PCDH11X: variants seen among roughly 807,000 people sequenced by gnomAD.
PCDH11X encodes the protein protocadherin-11 X-linked.
In PCDH11X, 18 loss-of-function variants were observed where a neutral mutation model predicts 53.3. The ratio of observed to expected loss-of-function variants is 0.34; its 90% CI spans 0.23 to 0.50. The LOEUF (loss-of-function observed/expected upper bound fraction) is 0.50. PCDH11X is among the 20% of genes least tolerant of loss of function. The pLI, the probability that PCDH11X is intolerant of heterozygous loss-of-function variation, is 0.98. For synonymous variants in PCDH11X, 279 were observed against 393.3 expected, an observed-to-expected ratio of 0.71 and a Z score of 3.44; for missense variants, 570 against 1,032.4, an observed-to-expected ratio of 0.55 and a Z score of 6.14.
At chrX:91,796,565 A>G (rs916687238) in intron 1 of PCDH11X, among the ~76,000 whole-genome samples, 1 of 111,245 alleles carries the variant, frequency 9.0e-6, no homozygotes, top group South Asian at 3.7e-4. Flanking sequence ...TGTCAATATC[A>G]TTTTCTTATC....
At chrX:92,347,210 C>T (rs2069922524) in intron 8 of PCDH11X, among the ~76,000 whole-genome samples, 2 of 111,343 alleles carry the variant, frequency 1.8e-5, no homozygotes, top group South Asian at 7.4e-4. Context: ...CATGTTACTA[C>T]TAGTTAGAAA....
At chrX:91,847,991 C>T (rs1225667281) in intron 5 of PCDH11X, among the ~76,000 whole-genome samples, 1 of 111,572 alleles carries the variant, frequency 9.0e-6, no homozygotes, top group East Asian at 2.8e-4. Context: ...TGCCAAGTTA[C>T]TAAACAAGTA....
chrX:91,809,803 G>A (rs1936239788), intron 2 of PCDH11X, among the ~76,000 whole-genome samples, 169 bp downstream of exon 2: 2 of 110,070 alleles, frequency 1.8e-5, no homozygotes, highest in African/African-American at 6.6e-5. Context: ...GGATAGTACT[G>A]CTCTAGAAAT....
intron 8 of PCDH11X, among the ~76,000 whole-genome samples, chrX:92,375,153 TATATATATATA>T (rs2070711924): frequency 8.6e-5 from 1 of 11,674 alleles, no homozygotes; most frequent in Non-Finnish European, 2.4e-4. Flanking sequence ...TATATATATA[TATATATATATA>T]TATTTTTTTT....
intron 4 of PCDH11X, among the ~76,000 whole-genome samples, chrX:91,825,671 T>C (rs1032755288): frequency 1.8e-5 from 2 of 108,935 alleles, no homozygotes; most frequent in Admixed American, 9.6e-5. Flanking sequence ...AGACCGGAGC[T>C]GTTCCTATTC....
chrX:92,093,670 G>A (rs761298853), intron 6 of PCDH11X, among the ~76,000 whole-genome samples: 106 of 110,855 alleles, frequency 9.6e-4, no homozygotes, highest in African/African-American at 3.2e-3. Flanking sequence ...CCCTTTTAAT[G>A]GTATTTTTTT....
At chrX:92,542,781 G>A (rs2074779381) in intron 10 of PCDH11X, among the ~76,000 whole-genome samples, 1 of 110,915 alleles carries the variant, frequency 9.0e-6, no homozygotes, top group Non-Finnish European at 1.9e-5. Context: ...AAAATCTAAA[G>A]CCTCTCTAGT....
chrX:92,509,861 T>C (rs1387104774), intron 10 of PCDH11X, among the ~76,000 whole-genome samples: 1 of 111,918 alleles, frequency 8.9e-6, no homozygotes, highest in Non-Finnish European at 1.9e-5. Flanking sequence ...AAACAACTTA[T>C]TCTTGAGATA....
At chrX:92,403,329 G>GTTTTTTTTTTTTTTTTTTTTTTTT (rs1178198433) in intron 9 of PCDH11X, among the ~76,000 whole-genome samples, 2 of 58,816 alleles carry the variant, frequency 3.4e-5, no homozygotes, top group African/African-American at 7.8e-5. Context: ...GGGCATTTAC[G>GTTTTTTTTTTTTTTTTTTTTTTTT]TTTTTTTTTG....
At chrX:92,618,190 AATG>A (rs1928195935) in intron 10 of PCDH11X, 71 bp from the exon 11 acceptor site, 1 of 1,144,164 alleles carries the variant, frequency 8.7e-7, no homozygotes, top group Non-Finnish European at 1.2e-6. Flanking sequence ...TTTTTGTCAC[AATG>A]ATATTTAAGT....
chrX:92,272,389 C>T (rs2067978994), intron 8 of PCDH11X, among the ~76,000 whole-genome samples: 2 of 111,870 alleles, frequency 1.8e-5, no homozygotes. Flanking sequence ...CTGCTTAACT[C>T]ACAGGGATCT....
chrX:92,299,301 C>T (rs1252080004), intron 8 of PCDH11X, among the ~76,000 whole-genome samples: 1 of 111,041 alleles, frequency 9.0e-6, no homozygotes, highest in African/African-American at 3.3e-5. Context: ...AAAGCTTTAT[C>T]GGCTTTTAAT....
intron 6 of PCDH11X, among the ~76,000 whole-genome samples, chrX:92,003,072 C>T (rs1413159157): frequency 9.7e-6 from 1 of 103,314 alleles, no homozygotes; most frequent in Non-Finnish European, 2.0e-5. Context: ...CCGTCTATTC[C>T]CAGGTTTTTT....
At chrX:91,981,002 AATATATATATATACACTGAAT>A (rs1278783364) in intron 6 of PCDH11X, among the ~76,000 whole-genome samples, 29 of 98,290 alleles carry the variant, frequency 3.0e-4, no homozygotes, top group African/African-American at 9.7e-4. Context: ...ATATACACTG[AATATATATATATACACTGAAT>A]ATATATATAT....
intron 5 of PCDH11X, among the ~76,000 whole-genome samples, chrX:91,875,154 ATC>A (rs1412101337): frequency 3.6e-5 from 4 of 110,118 alleles, no homozygotes; most frequent in Non-Finnish European, 5.7e-5. Flanking sequence ...TATCTCATTC[ATC>A]TCTGTCATAA....
intron 6 of PCDH11X, among the ~76,000 whole-genome samples, chrX:92,187,539 T>A (rs932132786): frequency 9.0e-6 from 1 of 111,450 alleles, no homozygotes; most frequent in African/African-American, 3.3e-5. Flanking sequence ...TGGAATGAAT[T>A]TAAGGTAGGG....
chrX:92,091,496 G>A (rs1234979470), intron 6 of PCDH11X, among the ~76,000 whole-genome samples: 1 of 111,539 alleles, frequency 9.0e-6, no homozygotes, highest in Non-Finnish European at 1.9e-5. Context: ...GCCATGGCCC[G>A]TGACACAGCT....
At chrX:92,314,427 A>C (rs926700398) in intron 8 of PCDH11X, among the ~76,000 whole-genome samples, 4 of 111,582 alleles carry the variant, frequency 3.6e-5, no homozygotes, top group Admixed American at 1.9e-4. Flanking sequence ...AGACTCTTCT[A>C]CAACTAATTT....
At chrX:91,819,601 T>C (rs1300415938) in intron 4 of PCDH11X, among the ~76,000 whole-genome samples, 3 of 109,801 alleles carry the variant, frequency 2.7e-5, no homozygotes, top group African/African-American at 6.7e-5. Flanking sequence ...AACAAAAGAA[T>C]TGGTGACCCG....
Sources: gnomAD v4.1 joint callset for allele counts (sites outside exome capture counted in the v4.1 genomes callset) on GRCh38, gnomAD v4.1.1 for gene constraint, MANE v1.5 for transcripts, NCBI Gene and HGNC (gene_info 2026-07-23, HGNC 2026-07-21) for gene names.